The following EDEM3 variants were observed in gnomAD, a reference collection of about 807,000 sequenced individuals.
EDEM3 encodes the protein ER degradation-enhancing alpha-mannosidase-like protein 3.
EDEM3 carries 60 observed loss-of-function variants against 110.2 expected under a neutral mutation model. That is an observed-to-expected ratio of 0.54 (90% confidence interval 0.44 to 0.67). EDEM3 has a LOEUF of 0.67. EDEM3 is among the 30% of genes least tolerant of loss of function. The pLI, the probability that EDEM3 is intolerant of heterozygous loss-of-function variation, is 0.00. For synonymous variants in EDEM3, 352 were observed against 382.9 expected (o/e 0.92, Z 0.94); for missense variants, 996 against 1,121.0 (o/e 0.89, Z 1.59).
chr1:184,717,896 A>G (rs571604216), intron 11 of EDEM3, among the ~76,000 whole-genome samples: 6 of 152,068 alleles, frequency 3.9e-5, no homozygotes, highest in Admixed American at 2.0e-4. Context: ...ATGCCACTAC[A>G]TGGGTCCTGG....
At chr1:184,694,539 C>T (rs1649232291) in intron 19 of EDEM3, 67 bp from the exon 20 acceptor site, 2 of 1,429,878 alleles carry the variant, frequency 1.4e-6, no homozygotes, top group East Asian at 2.4e-5. Flanking sequence ...CTTTCCAAAG[C>T]ATATTGGTTT....
chr1:184,727,231 A>G (rs1361798189), intron 6 of EDEM3, among the ~76,000 whole-genome samples: 1 of 152,206 alleles, frequency 6.6e-6, no homozygotes, highest in East Asian at 1.9e-4. Flanking sequence ...TGGAGGTTGC[A>G]GTGAGCTGAG....
In EDEM3 at chr1:184,754,539, CA is replaced by C. The variant is rs1186881431; in HGVS notation, c.107del (p.Val36GlyfsTer9). On this transcript the variant is annotated frameshift_variant, in exon 1 of 20. Transcript: ENST00000318130. LOFTEE classifies it high-confidence loss of function. ...TCATGGGCTCGGCCCCCGCCGTCCA[CA>C]CGGAGGTGGCCGACACCAGGCAGAA... is the stretch of plus-strand genomic sequence containing the variant. ...AAFCLVSATS[V>X]WTAGAEPMSR... 1 of 1,613,214 alleles carries C rather than the reference CA, an allele frequency of 6.2e-7. No homozygotes were observed. The highest frequency in any genetic ancestry group is 8.5e-7 in the Non-Finnish European group (1 of 1,179,840).
At chr1:184,742,119 G>A (rs1185905170) in intron 2 of EDEM3, among the ~76,000 whole-genome samples, 4 of 152,022 alleles carry the variant, frequency 2.6e-5, no homozygotes, top group African/African-American at 9.7e-5. Flanking sequence ...ATACAGACTA[G>A]TGGCCAGGAA....
chr1:184,707,919 G>T (rs1650018900), intron 17 of EDEM3, among the ~76,000 whole-genome samples: 1 of 152,118 alleles, frequency 6.6e-6, no homozygotes, highest in African/African-American at 2.4e-5. Flanking sequence ...AAGAGACCAA[G>T]AAATTGAATA....
Position 184,703,544 on chromosome 1 carries a change from G to A in EDEM3, c.2204-548C>T, listed in dbSNP as rs115271167. Among the ~76,000 whole-genome samples the A allele has an allele frequency of 5.5e-3, 838 of 152,218 alleles. 7 individuals carry two copies. Among genetic ancestry groups the A allele is most frequent in the African/African-American group, 0.016 (662 of 41,506 alleles). ...GACTATAGTGCTTCTTCCTCTATAA[G>A]CTAAACTAAACAGTATTGCTATTTT... On this transcript the variant is annotated intron_variant, in intron 18 of 19. Coordinates refer to ENST00000318130, the MANE Select transcript of EDEM3 (RefSeq NM_025191.4).
chr1:184,703,145 C>A, intron 18 of EDEM3, 149 bp from the exon 19 acceptor site: 1 of 645,942 alleles, frequency 1.5e-6, no homozygotes, highest in South Asian at 2.9e-5. Flanking sequence ...CCCATTAATT[C>A]TCATAGAAAC....
Position 184,708,237 on chromosome 1 carries a change from T to C in EDEM3, c.1953A>G (p.Gln651=). The C allele has an allele frequency of 6.2e-7, 1 of 1,613,752 alleles. No homozygotes were observed. The highest frequency in any genetic ancestry group is 8.5e-7 in the Non-Finnish European group (1 of 1,179,874). ...TGCCAAAAAATGGGTGGGAAACAAT[T>C]TGTACAGCTCGTGGAGGCAGCTGCT... The part of the protein sequence containing the change: ...KEQQLPPRAV[Q]IVSHPFFGRV... The change falls in exon 17 of 20, where the codon CAA becomes CAG. Residue 651 remains glutamine, a synonymous_variant. Coordinates refer to ENST00000318130, the MANE Select transcript of EDEM3 (RefSeq NM_025191.4).
intron 18 of EDEM3, 83 bp from the exon 19 acceptor site, chr1:184,703,079 A>T (rs2102062085): frequency 8.8e-7 from 1 of 1,131,244 alleles, no homozygotes; most frequent in East Asian, 3.0e-5. Context: ...GATTTTTTAC[A>T]ATGACAGAAT....
At chr1:184,750,861 A>T (rs552418553) in intron 1 of EDEM3, among the ~76,000 whole-genome samples, 2 of 152,288 alleles carry the variant, frequency 1.3e-5, no homozygotes, top group East Asian at 3.9e-4. Context: ...GCAAGAATTG[A>T]AAAAAGTGTT....
chr1:184,714,527 T>C (rs934314297), intron 13 of EDEM3, among the ~76,000 whole-genome samples: 9 of 152,014 alleles, frequency 5.9e-5, no homozygotes, highest in Admixed American at 2.0e-4. Flanking sequence ...AGGACAGTGA[T>C]AGTGCTTAGA....
intron 9 of EDEM3, chr1:184,720,958 T>C (rs1650866625): frequency 1.0e-5 from 2 of 199,868 alleles, no homozygotes; most frequent in African/African-American, 2.4e-5. Flanking sequence ...AGAATTGAAA[T>C]ACAAAGGAAA....
At chr1:184,700,664 T>C (rs749714792) in intron 19 of EDEM3, among the ~76,000 whole-genome samples, 1 of 151,972 alleles carries the variant, frequency 6.6e-6, no homozygotes, top group African/African-American at 2.4e-5. Flanking sequence ...CCAACACTTC[T>C]AACAAGTGTA....
chr1:184,718,323 GCAAA>G (rs1448121615), intron 11 of EDEM3, among the ~76,000 whole-genome samples: 2 of 151,894 alleles, frequency 1.3e-5, no homozygotes, highest in East Asian at 1.9e-4. Flanking sequence ...AAAAATAAAA[GCAAA>G]CAAAAACTTT....
chr1:184,728,641 C>A (rs969148366), intron 6 of EDEM3, among the ~76,000 whole-genome samples: 1 of 150,604 alleles, frequency 6.6e-6, no homozygotes, highest in Non-Finnish European at 1.5e-5. Context: ...GATGGAGTCT[C>A]ACTCTGTCAC....
At chr1:184,754,375 G>A (rs1327390291) in intron 1 of EDEM3, 114 bp downstream of exon 1, 4 of 1,500,028 alleles carry the variant, frequency 2.7e-6, no homozygotes, top group African/African-American at 1.4e-5. Flanking sequence ...CGCGCGGGAA[G>A]AGCCGTTCCA....
intron 1 of EDEM3, among the ~76,000 whole-genome samples, chr1:184,752,208 A>T (rs552302973): frequency 2.2e-4 from 34 of 152,368 alleles, no homozygotes; most frequent in Non-Finnish European, 4.4e-4. Context: ...GAAGGATAAG[A>T]CTACATATAA....
Position 184,719,520 on chromosome 1 carries a change from C to T in EDEM3, c.1000G>A (p.Asp334Asn). 1 of 1,613,986 alleles carries T rather than the reference C, an allele frequency of 6.2e-7. No individual in the cohort carries two copies. Among genetic ancestry groups the T allele is most frequent in the Non-Finnish European group, 8.5e-7 (1 of 1,179,964 alleles). ...RYISQPPLLL[D>N]VHIHKPMLNA... Reference sequence around the variant, plus strand: ...AGCATTGGTTTGTGGATATGCACATCAAGTAGAAGAGGTGGCTGGCTAATA... The same window carrying T: ...AGCATTGGTTTGTGGATATGCACATTAAGTAGAAGAGGTGGCTGGCTAATA... Residue 334 changes from aspartate (D) to asparagine (N), a missense_variant, in exon 10 of 20, where the codon GAT becomes AAT. Transcript: ENST00000318130.
chr1:184,739,918 T>G (rs557210289), intron 2 of EDEM3, among the ~76,000 whole-genome samples: 5 of 152,280 alleles, frequency 3.3e-5, no homozygotes, highest in Admixed American at 3.3e-4. Context: ...AAGACAGATT[T>G]TAGCGGGAGT....
Sources: gnomAD v4.1 joint callset for allele counts (sites outside exome capture counted in the v4.1 genomes callset) on GRCh38, gnomAD v4.1.1 for gene constraint, MANE v1.5 for transcripts, NCBI Gene and HGNC (gene_info 2026-07-23, HGNC 2026-07-21) for gene names.